CSF2RA: variants seen among roughly 807,000 people sequenced by gnomAD.
CSF2RA encodes the protein colony stimulating factor 2 receptor subunit alpha.
Under a neutral mutation model 51.6 loss-of-function variants are expected in CSF2RA, and 42 were observed. The observed-to-expected ratio is 0.81, with a 90% CI of 0.64 to 1.05. CSF2RA has a LOEUF of 1.05. Ranked by LOEUF, CSF2RA falls within the 50% of genes least tolerant of loss-of-function variation. The pLI is 0.00. For missense variants in CSF2RA, 530 were observed against 501.1 expected, an observed-to-expected ratio of 1.06 and a Z score of -0.55; for synonymous variants, 222 against 193.0, an observed-to-expected ratio of 1.15 and a Z score of -1.24.
the CSF2RA span, among the ~76,000 whole-genome samples, chrX:1,321,296 T>C: frequency 1.3e-5 from 2 of 151,780 alleles, no homozygotes; most frequent in Non-Finnish European, 2.9e-5. Context: ...AATGAAACCC[T>C]TTCTCCACTA....
intron 7 of CSF2RA, among the ~76,000 whole-genome samples, chrX:1,290,980 G>A (rs2091340890): frequency 6.6e-6 from 1 of 152,192 alleles, no homozygotes; most frequent in African/African-American, 2.4e-5. Flanking sequence ...GGAGTGCAGT[G>A]GTGCAATCTC....
At chrX:1,304,332 G>A (rs1410204475) in intron 11 of CSF2RA, among the ~76,000 whole-genome samples, 4 of 108,664 alleles carry the variant, frequency 3.7e-5, no homozygotes, top group African/African-American at 1.2e-4. Flanking sequence ...CCCGGGAGGT[G>A]GAGGTTGCAG....
At chrX:1,300,686 A>C in intron 10 of CSF2RA, 60 bp downstream of exon 10, 1 of 1,611,658 alleles carries the variant, frequency 6.2e-7, no homozygotes, top group Non-Finnish European at 8.5e-7. Context: ...TGCAGCAGGC[A>C]CAGAGGTCAG....
chrX:1,287,914 T>C (rs1444582868), intron 4 of CSF2RA, among the ~76,000 whole-genome samples: 1 of 142,488 alleles, frequency 7.0e-6, no homozygotes, highest in Non-Finnish European at 1.5e-5. Flanking sequence ...TTTTTGTATT[T>C]TTAGTAGAGA....
chrX:1,314,576 T>A (rs1422304938), downstream of CSF2RA, among the ~76,000 whole-genome samples: 5 of 42,318 alleles, frequency 1.2e-4, no homozygotes, highest in Non-Finnish European at 2.0e-4. Context: ...CCACTGCACC[T>A]GCCCAACCCC....
At chrX:1,295,811 C>A (rs183639632) in intron 9 of CSF2RA, among the ~76,000 whole-genome samples, 12,484 of 69,666 alleles carry the variant, frequency 0.18, no homozygotes, top group South Asian at 0.29. Context: ...CAGGAAGAGA[C>A]CCTGCCCCAC....
downstream of CSF2RA, among the ~76,000 whole-genome samples, chrX:1,313,641 G>A (rs1362023935): frequency 6.6e-6 from 1 of 151,188 alleles, no homozygotes; most frequent in Non-Finnish European, 1.5e-5. Context: ...GAACCCAGGA[G>A]GCGGAGGTTG....
At chrX:1,304,818 C>G in intron 11 of CSF2RA, among the ~76,000 whole-genome samples, 1 of 150,984 alleles carries the variant, frequency 6.6e-6, no homozygotes, top group Non-Finnish European at 1.5e-5. Flanking sequence ...GCATGCACCA[C>G]GATGCTCACC....
chrX:1,316,822 C>A, the CSF2RA span, among the ~76,000 whole-genome samples: 3 of 152,378 alleles, frequency 2.0e-5, no homozygotes, highest in African/African-American at 7.2e-5. Context: ...AAACCAGCAG[C>A]CGACGCCCCA....
At chrX:1,290,608 T>C (rs1259601077) in intron 7 of CSF2RA, 99 bp downstream of exon 7, 3 of 1,221,942 alleles carry the variant, frequency 2.5e-6, no homozygotes. Context: ...CTCACACCTG[T>C]AATCTCAGCA....
intron 6 of CSF2RA, 114 bp from the exon 7 acceptor site, chrX:1,290,223 T>TTTTTGTG: frequency 1.1e-6 from 1 of 875,272 alleles, no homozygotes; most frequent in Non-Finnish European, 1.8e-6. Context: ...TTGTTTTGTG[T>TTTTTGTG]TTTTGTGTTT....
downstream of CSF2RA, among the ~76,000 whole-genome samples, chrX:1,314,851 C>CCACTGCACCTGCCCAACCG (rs1169899050): frequency 2.4e-5 from 2 of 84,410 alleles, no homozygotes; most frequent in Admixed American, 1.2e-4. Flanking sequence ...CTGCCCAATC[C>CCACTGCACCTGCCCAACCG]CACTGCACCT....
Position 1,268,867 on chromosome X carries a change from G to C in CSF2RA, c.-103G>C. 1 of 454,050 alleles carries C rather than the reference G, an allele frequency of 2.2e-6. No individual in the cohort carries two copies. The highest frequency in any genetic ancestry group is 6.9e-5 in the East Asian group (1 of 14,390). 28.1% of individuals were successfully genotyped at this position (454,050 alleles called of 1,614,324 possible). A position where few individuals can be genotyped will look rare whatever the true frequency, so the allele number is the denominator to read the frequency against. On this transcript the variant is annotated 5_prime_UTR_variant, in exon 1 of 13. Transcript: ENST00000381529. Reference sequence around the variant, plus strand: ...AAAAGCAGGTGGAAGGAGAGGAAGCGGATGCCGTGGGGGTAAGCTAAGTTC... The same window carrying C: ...AAAAGCAGGTGGAAGGAGAGGAAGCCGATGCCGTGGGGGTAAGCTAAGTTC...
Position 1,287,566 on chromosome X carries a change from C to A in CSF2RA, c.220-953C>A, listed in dbSNP as rs2090880786. Reference sequence around the variant, plus strand: ...TCAAGAGATTCTCCTGCCTCAGCCTCCTGAGTAGCTGGGATTACAGGTGCC... The same window carrying A: ...TCAAGAGATTCTCCTGCCTCAGCCTACTGAGTAGCTGGGATTACAGGTGCC... On this transcript the variant is annotated intron_variant, in intron 4 of 12. Transcript: ENST00000381529. 3.3e-5 allele frequency among the ~76,000 whole-genome samples: 5 copies of A among 149,272 alleles called. No individual in the cohort carries two copies. The South Asian group carries it at 8.5e-4, about 25-fold the overall frequency.
intron 1 of CSF2RA, among the ~76,000 whole-genome samples, chrX:1,272,174 G>A (rs188246578): frequency 5.3e-4 from 81 of 151,818 alleles, no homozygotes; most frequent in African/African-American, 1.8e-3. Flanking sequence ...GGCTGGTCTC[G>A]AACACCTGAC....
At chrX:1,321,011 T>G in the CSF2RA span, among the ~76,000 whole-genome samples, 6 of 151,320 alleles carry the variant, frequency 4.0e-5, no homozygotes, top group Non-Finnish European at 8.9e-5. Flanking sequence ...AGCTAATTTT[T>G]GTAATTTTTC....
At chrX:1,314,144 C>T (rs1286605300), downstream of CSF2RA, among the ~76,000 whole-genome samples, 133 of 151,886 alleles carry the variant, frequency 8.8e-4, no homozygotes, top group African/African-American at 3.1e-3. Context: ...TACGGACCCT[C>T]TCCAAGGAAT....
intron 6 of CSF2RA, 129 bp from the exon 7 acceptor site, chrX:1,290,208 T>C (rs1359604977): frequency 2.6e-6 from 2 of 760,940 alleles, no homozygotes; most frequent in Non-Finnish European, 4.4e-6. Context: ...TTTTGTTTTG[T>C]GTTTTTGTTT....
At chrX:1,313,581 A>G (rs1179929579), downstream of CSF2RA, among the ~76,000 whole-genome samples, 1 of 151,266 alleles carries the variant, frequency 6.6e-6, no homozygotes, top group Non-Finnish European at 1.5e-5. Context: ...GTGTGGTGGC[A>G]GGCACCTATA....
Sources: allele counts gnomAD v4.1 joint callset (sites outside exome capture counted in the v4.1 genomes callset), GRCh38; gene constraint gnomAD v4.1.1; transcripts MANE v1.5; gene names NCBI Gene and HGNC (gene_info 2026-07-23, HGNC 2026-07-21).